The following POU6F2 variants were observed in gnomAD, a reference collection of about 807,000 sequenced individuals.
POU6F2 encodes POU class 6 homeobox 2, also known as POU domain, class 6, transcription factor 2.
POU6F2 carries 31 observed loss-of-function variants against 71.3 expected under a neutral mutation model. The ratio of observed to expected loss-of-function variants is 0.43; its 90% CI spans 0.33 to 0.59. The LOEUF is 0.59. Ranked by LOEUF, POU6F2 falls within the 20% of genes least tolerant of loss-of-function variation. POU6F2 has a pLI of 0.04. For missense variants in POU6F2, 783 were observed against 856.8 expected (o/e 0.91, Z 1.07); for synonymous variants, 347 against 355.7 (o/e 0.98, Z 0.27).
chr7:39,278,611 C>T (rs754591742), intron 4 of POU6F2, among the ~76,000 whole-genome samples: 1 of 152,120 alleles, frequency 6.6e-6, no homozygotes, highest in Non-Finnish European at 1.5e-5. Context: ...GACACCCACC[C>T]GTGCTTGTCC....
intron 2 of POU6F2, among the ~76,000 whole-genome samples, chr7:39,153,676 C>T (rs1226765601): frequency 6.6e-6 from 1 of 151,994 alleles, no homozygotes; most frequent in African/African-American, 2.4e-5. Flanking sequence ...TTTCAACAGC[C>T]CAGATAAAGT....
chr7:39,018,969 C>T (rs1789620504), intron 1 of POU6F2, among the ~76,000 whole-genome samples: 1 of 152,150 alleles, frequency 6.6e-6, no homozygotes, highest in African/African-American at 2.4e-5. Context: ...GTATTGCAGC[C>T]TTGGTTTTCC....
At chr7:39,423,974 C>T (rs1281222312) in intron 6 of POU6F2, among the ~76,000 whole-genome samples, 1 of 152,176 alleles carries the variant, frequency 6.6e-6, no homozygotes, top group Non-Finnish European at 1.5e-5. Context: ...GGATGGCTTA[C>T]AAACAACAGA....
intron 1 of POU6F2, among the ~76,000 whole-genome samples, chr7:39,082,153 C>T (rs553589416): frequency 2.0e-5 from 3 of 152,132 alleles, no homozygotes; most frequent in Non-Finnish European, 4.4e-5. Context: ...GATTGCAATC[C>T]TCTCTTTGTA....
intron 2 of POU6F2, among the ~76,000 whole-genome samples, chr7:39,189,061 T>C (rs1467973084): frequency 6.6e-6 from 1 of 152,184 alleles, no homozygotes; most frequent in East Asian, 1.9e-4. Context: ...TTGTACTCTT[T>C]AACTGAGAAA....
chr7:39,333,897 G>A (rs926677232), intron 4 of POU6F2, among the ~76,000 whole-genome samples: 17 of 152,134 alleles, frequency 1.1e-4, no homozygotes, highest in African/African-American at 4.1e-4. Context: ...CCAATCCCCT[G>A]AGGTAGGTCT....
chr7:39,151,403 G>A (rs759561335), intron 2 of POU6F2, among the ~76,000 whole-genome samples: 24 of 152,290 alleles, frequency 1.6e-4, no homozygotes, highest in Middle Eastern at 3.4e-3. Flanking sequence ...GGGCCCATTA[G>A]CTAGTGGTGA....
At chr7:39,076,029 G>GT (rs1417537067) in intron 1 of POU6F2, among the ~76,000 whole-genome samples, 2 of 152,224 alleles carry the variant, frequency 1.3e-5, no homozygotes, top group Non-Finnish European at 2.9e-5. Flanking sequence ...ATGTATGTGT[G>GT]TGCAGAGTCA....
chr7:39,077,380 T>C (rs1791022958), intron 1 of POU6F2, among the ~76,000 whole-genome samples: 1 of 152,248 alleles, frequency 6.6e-6, no homozygotes. Flanking sequence ...GTGTGCTAGA[T>C]ACTTTGTAGA....
intron 1 of POU6F2, among the ~76,000 whole-genome samples, chr7:39,010,829 T>C (rs1033643383): frequency 4.7e-5 from 7 of 150,050 alleles, no homozygotes; most frequent in South Asian, 2.1e-4. Context: ...TGTAGTTGAG[T>C]GGTTTTGAGT....
At chr7:39,095,110 A>G (rs926733610) in intron 2 of POU6F2, among the ~76,000 whole-genome samples, 2 of 152,190 alleles carry the variant, frequency 1.3e-5, no homozygotes, top group African/African-American at 2.4e-5. Context: ...AAATATCCAG[A>G]ACAAGGATCC....
chr7:39,052,827 G>T (rs1790424045), intron 1 of POU6F2, among the ~76,000 whole-genome samples: 1 of 152,098 alleles, frequency 6.6e-6, no homozygotes, highest in Admixed American at 6.6e-5. Context: ...TATTTATGGG[G>T]TGCTCAGTGT....
intron 7 of POU6F2, among the ~76,000 whole-genome samples, chr7:39,442,422 TC>T (rs1485231135): frequency 1.3e-5 from 2 of 152,216 alleles, no homozygotes; most frequent in Non-Finnish European, 2.9e-5. Context: ...AAGGTCTGAA[TC>T]TGTACACTTT....
intron 2 of POU6F2, among the ~76,000 whole-genome samples, chr7:39,115,031 T>G (rs1791901925): frequency 6.6e-6 from 1 of 152,196 alleles, no homozygotes; most frequent in East Asian, 1.9e-4. Context: ...CAATTTATAT[T>G]CTCAGTTGTG....
chr7:39,350,458 A>C lies in POU6F2; in HGVS notation c.972+10443A>C, dbSNP rs772694987. Among the ~76,000 whole-genome samples, 99 of 152,052 alleles carry C rather than the reference A, an allele frequency of 6.5e-4. 1 individual carries two copies. The highest frequency in any genetic ancestry group is 7.9e-4 in the Admixed American group (12 of 15,274). On this transcript the variant is annotated intron_variant, in intron 5 of 9. Transcript: ENST00000518318. ...TTAGATAAAATATAAATAATCTTGA[A>C]CTCCTGTCTAAGGTTTAAAAAAGGA...
chr7:39,122,071 T>C (rs1359349294), intron 2 of POU6F2, among the ~76,000 whole-genome samples: 1 of 152,250 alleles, frequency 6.6e-6, no homozygotes, highest in East Asian at 1.9e-4. Flanking sequence ...GCAAGGGATG[T>C]GATGCCATTT....
Position 39,185,685 on chromosome 7 carries a change from T to C in POU6F2, c.278-18550T>C, listed in dbSNP as rs571687229. 5.3e-5 allele frequency among the ~76,000 whole-genome samples: 8 copies of C among 152,078 alleles called. No individual in the cohort carries two copies. The East Asian group carries it at 1.5e-3, about 29-fold the overall frequency. On this transcript the variant is annotated intron_variant, in intron 2 of 9. Transcript: ENST00000518318. ...AACCATTAGTTTAATGGTAGCTTCATTGCCAGGTTGTAGGCCCCAGAGGCT... is the reference window on the plus strand; with the variant it reads ...AACCATTAGTTTAATGGTAGCTTCACTGCCAGGTTGTAGGCCCCAGAGGCT...
At chr7:39,166,336 C>G (rs145577463) in intron 2 of POU6F2, among the ~76,000 whole-genome samples, 55 of 152,322 alleles carry the variant, frequency 3.6e-4, no homozygotes, top group African/African-American at 1.2e-3. Flanking sequence ...TATTCACAGT[C>G]CATTTTACAT....
At chr7:39,305,175 A>G (rs1785026686) in intron 4 of POU6F2, among the ~76,000 whole-genome samples, 1 of 152,252 alleles carries the variant, frequency 6.6e-6, no homozygotes, top group African/African-American at 2.4e-5. Flanking sequence ...CTTTAGAAAC[A>G]TGATTTCATT....
Sources: allele counts gnomAD v4.1 joint callset (sites outside exome capture counted in the v4.1 genomes callset), GRCh38; gene constraint gnomAD v4.1.1; transcripts MANE v1.5; gene names NCBI Gene and HGNC (gene_info 2026-07-23, HGNC 2026-07-21).